Variants in NELL1 observed in about 807,000 individuals in gnomAD.
NELL1 encodes neural EGFL like 1, also known as protein kinase C-binding protein NELL1.
A neutral mutation model predicts 107.4 loss-of-function variants in NELL1; 76 were observed. That is an observed-to-expected ratio of 0.71 (90% CI 0.59 to 0.86). NELL1 has a LOEUF of 0.86. Ranked by LOEUF, NELL1 falls within the 40% of genes least tolerant of loss-of-function variation. The probability of loss-of-function intolerance (pLI) is 0.00; values close to 1 mark genes in which losing one functional copy is unlikely to be tolerated. For missense variants in NELL1, 1,024 were observed against 1,005.5 expected (o/e 1.02, Z -0.25); for synonymous variants, 353 against 341.2 (o/e 1.03, Z -0.38).
chr11:20,917,883 C>T (rs1850291156), intron 5 of NELL1, among the ~76,000 whole-genome samples: 1 of 151,888 alleles, frequency 6.6e-6, no homozygotes, highest in African/African-American at 2.4e-5. Context: ...ATGATTAGGG[C>T]ATTAAGGAGA....
At chr11:21,210,087 T>C (rs189901160) in intron 13 of NELL1, among the ~76,000 whole-genome samples, 86 of 152,306 alleles carry the variant, frequency 5.6e-4, no homozygotes, top group African/African-American at 1.9e-3. Context: ...TATTGGTGAA[T>C]AGTATTCAAT....
intron 15 of NELL1, among the ~76,000 whole-genome samples, chr11:21,403,077 G>A (rs1320774967): frequency 6.6e-6 from 1 of 151,672 alleles, no homozygotes; most frequent in Non-Finnish European, 1.5e-5. Flanking sequence ...CTGCTGAGGT[G>A]GATGTTACAT....
intron 12 of NELL1, among the ~76,000 whole-genome samples, chr11:21,103,849 C>T (rs141077844): frequency 1.8e-4 from 28 of 152,240 alleles, no homozygotes; most frequent in Admixed American, 3.9e-4. Context: ...TCTCTTTCAA[C>T]GGAATTAGCC....
chr11:21,421,792 A>G (rs1852679300), intron 15 of NELL1, among the ~76,000 whole-genome samples: 1 of 152,134 alleles, frequency 6.6e-6, no homozygotes. Context: ...TATATCCACA[A>G]AGCTTAATGA....
intron 16 of NELL1, among the ~76,000 whole-genome samples, chr11:21,554,016 CAT>C (rs150316042): frequency 0.018 from 2,691 of 151,876 alleles, 86 homozygotes; most frequent in African/African-American, 0.061. Flanking sequence ...TATGTAAAAA[CAT>C]ATAAATCGTG....
chr11:21,304,961 G>A (rs563610564), intron 14 of NELL1, among the ~76,000 whole-genome samples: 1 of 152,086 alleles, frequency 6.6e-6, no homozygotes, highest in African/African-American at 2.4e-5. Context: ...GTATTAGAAT[G>A]ATTTTTATTT....
chr11:21,265,049 T>C (rs962760797), intron 14 of NELL1, among the ~76,000 whole-genome samples: 2 of 151,976 alleles, frequency 1.3e-5, no homozygotes, highest in Admixed American at 6.6e-5. Flanking sequence ...CTGTAATGTT[T>C]AGTTAGAAGG....
At chr11:20,687,154 C>A (rs1369481892) in intron 2 of NELL1, among the ~76,000 whole-genome samples, 1 of 149,314 alleles carries the variant, frequency 6.7e-6, no homozygotes, top group Admixed American at 6.7e-5. Context: ...TGAGTTTTGT[C>A]TAAAAGAAGG....
chr11:20,786,241 TC>T (rs763631191), intron 3 of NELL1, among the ~76,000 whole-genome samples: 42 of 151,286 alleles, frequency 2.8e-4, no homozygotes, highest in Admixed American at 1.8e-3. Context: ...TCCCAGCTAC[TC>T]GGGAGGCTGA....
At chr11:21,156,910 T>A (rs1856250287) in intron 13 of NELL1, among the ~76,000 whole-genome samples, 1 of 146,676 alleles carries the variant, frequency 6.8e-6, no homozygotes, top group Non-Finnish European at 1.5e-5. Flanking sequence ...CTGGACAACA[T>A]GGTGGAACCC....
rs1365247694 is a variant in NELL1, at chr11:20,822,423, A to G, written c.336-25160A>G. Among the ~76,000 whole-genome samples, 5 of 152,328 alleles carry G rather than the reference A, an allele frequency of 3.3e-5. No individual in the cohort carries two copies. In the East Asian group the frequency reaches 7.7e-4, roughly 24 times the overall value. ...GCTTGATATAGCATAAATGCCTAGT[A>G]TATTTTGGTTGAATGAATGCGACAA... On this transcript the variant is annotated intron_variant, in intron 3 of 19. Transcript: ENST00000357134.
rs570230047 is a variant in NELL1 at position 20,903,577 on chromosome 11, T to G, written c.604-14605T>G. ...GGAAATATGTGTTGATGGCCTAGATTATGGTTTTGCCTTATCTCTATAAGG... is the reference window on the plus strand; with the variant it reads ...GGAAATATGTGTTGATGGCCTAGATGATGGTTTTGCCTTATCTCTATAAGG... On this transcript the variant is annotated intron_variant, in intron 5 of 19. Coordinates refer to ENST00000357134, the MANE Select transcript of NELL1 (RefSeq NM_006157.5). Among the ~76,000 whole-genome samples the G allele has an allele frequency of 8.4e-4, 128 of 152,230 alleles. 2 individuals carry two copies. In the Middle Eastern group the frequency reaches 0.014, roughly 16 times the overall value.
chr11:20,771,847 T>C (rs1226344362), intron 2 of NELL1, among the ~76,000 whole-genome samples: 1 of 152,216 alleles, frequency 6.6e-6, no homozygotes, highest in Non-Finnish European at 1.5e-5. Context: ...CTCCATCCTC[T>C]AATTTAATGA....
chr11:20,885,541 G>T lies in NELL1; in HGVS notation c.603+1G>T. On this transcript the variant is annotated splice_donor_variant, in intron 5 of 19. Coordinates refer to ENST00000357134, the MANE Select transcript of NELL1 (RefSeq NM_006157.5). LOFTEE classifies it high-confidence loss of function. ...CAACCAAAAGCATGGCTTATTCAAA[G>T]TAAGCACTAACGTTCTTTTTATTGA... 6.3e-7 allele frequency: 1 copy of T among 1,575,960 alleles called. No individual in the cohort carries two copies. The highest frequency in any genetic ancestry group is 8.7e-7 in the Non-Finnish European group (1 of 1,145,342).
intron 15 of NELL1, among the ~76,000 whole-genome samples, chr11:21,378,989 G>A (rs770481679): frequency 1.3e-5 from 2 of 151,744 alleles, no homozygotes; most frequent in Admixed American, 1.3e-4. Flanking sequence ...AAGTGTGCCC[G>A]GCCAACACTT....
At chr11:21,302,609 G>C (rs1415775781) in intron 14 of NELL1, among the ~76,000 whole-genome samples, 2 of 151,958 alleles carry the variant, frequency 1.3e-5, no homozygotes. Flanking sequence ...TAGGGGAATG[G>C]TTTCCTCTTT....
intron 12 of NELL1, among the ~76,000 whole-genome samples, chr11:20,963,205 G>A (rs1333426549): frequency 2.0e-5 from 3 of 152,048 alleles, no homozygotes; most frequent in African/African-American, 7.3e-5. Flanking sequence ...TCTGTGTGAG[G>A]TTCTGTCATT....
At chr11:20,697,383 T>C (rs1047043193) in intron 2 of NELL1, among the ~76,000 whole-genome samples, 2 of 146,072 alleles carry the variant, frequency 1.4e-5, no homozygotes, top group African/African-American at 5.1e-5. Context: ...GTGCAAATTC[T>C]TTAATATGTT....
chr11:20,690,013 G>C (rs376760234), intron 2 of NELL1, among the ~76,000 whole-genome samples: 1 of 152,022 alleles, frequency 6.6e-6, no homozygotes, highest in Admixed American at 6.6e-5. Context: ...TTGTGGTTTT[G>C]ATTTGCATTT....
Sources: gnomAD v4.1 joint callset for allele counts (sites outside exome capture counted in the v4.1 genomes callset) on GRCh38, gnomAD v4.1.1 for gene constraint, MANE v1.5 for transcripts, NCBI Gene and HGNC (gene_info 2026-07-23, HGNC 2026-07-21) for gene names.